The following SPAG16 variants were observed in gnomAD, a reference collection of about 807,000 sequenced individuals.
SPAG16 encodes sperm associated antigen 16, also known as sperm-associated antigen 16 protein.
In SPAG16, 86 loss-of-function variants were observed where a neutral mutation model predicts 80.4. That is an observed-to-expected ratio of 1.07 (90% CI 0.90 to 1.28). The LOEUF (loss-of-function observed/expected upper bound fraction) is 1.28, where lower values mean the gene tolerates loss of function less well. Ranked by LOEUF, SPAG16 falls within the 50% of genes most tolerant of loss-of-function variation. The pLI, the probability that SPAG16 is intolerant of heterozygous loss-of-function variation, is 0.00. For missense variants in SPAG16, 870 were observed against 765.3 expected (o/e 1.14, Z -1.61); for synonymous variants, 294 against 265.9 (o/e 1.11, Z -1.03).
chr2:213,825,821 A>G (rs1244178486), intron 10 of SPAG16, among the ~76,000 whole-genome samples: 2 of 148,128 alleles, frequency 1.4e-5, no homozygotes, highest in Non-Finnish European at 3.0e-5. Flanking sequence ...GGATAGTTTT[A>G]GAGGGATTGG....
chr2:213,789,482 A>G (rs2070552292), intron 10 of SPAG16, among the ~76,000 whole-genome samples: 1 of 152,012 alleles, frequency 6.6e-6, no homozygotes, highest in African/African-American at 2.4e-5. Flanking sequence ...TATGTGTGGC[A>G]TCTTTCCTGA....
intron 13 of SPAG16, among the ~76,000 whole-genome samples, chr2:214,040,488 G>A (rs2048948708): frequency 1.3e-5 from 2 of 151,936 alleles, no homozygotes; most frequent in Admixed American, 1.3e-4. Flanking sequence ...CCCTCTATGT[G>A]TCCATGTGTT....
At chr2:213,423,130 C>A (rs767516184) in intron 9 of SPAG16, among the ~76,000 whole-genome samples, 16 of 152,220 alleles carry the variant, frequency 1.1e-4, no homozygotes, top group Non-Finnish European at 1.5e-4. Context: ...TCATTCTTCT[C>A]TCTGGATTGT....
chr2:213,654,821 A>G (rs2063162247), intron 10 of SPAG16, among the ~76,000 whole-genome samples: 1 of 152,176 alleles, frequency 6.6e-6, no homozygotes, highest in East Asian at 1.9e-4. Flanking sequence ...ATTATATTAA[A>G]TGTCAATGGA....
intron 15 of SPAG16, chr2:214,241,112 G>A (rs1255384502): frequency 2.0e-5 from 3 of 152,108 alleles, no homozygotes; most frequent in Non-Finnish European, 4.4e-5. Flanking sequence ...TAGCACTTTG[G>A]GAGGCCGAGG....
intron 15 of SPAG16, among the ~76,000 whole-genome samples, chr2:214,306,448 T>G (rs1403354252): frequency 6.6e-6 from 1 of 152,212 alleles, no homozygotes; most frequent in African/African-American, 2.4e-5. Flanking sequence ...ATCCTTATAT[T>G]GTGCCAATTT....
chr2:214,342,554 C>T (rs931357577), intron 15 of SPAG16, among the ~76,000 whole-genome samples: 2 of 152,046 alleles, frequency 1.3e-5, no homozygotes, highest in Non-Finnish European at 2.9e-5. Context: ...ATAGAACCAT[C>T]TAGTTGCAGG....
chr2:213,522,898 T>G (rs1020009167), intron 10 of SPAG16, among the ~76,000 whole-genome samples: 21 of 150,770 alleles, frequency 1.4e-4, no homozygotes, highest in African/African-American at 4.9e-4. Flanking sequence ...ATATTTAAAT[T>G]ACATATATAA....
intron 14 of SPAG16, among the ~76,000 whole-genome samples, chr2:214,133,129 T>TAATA (rs1559830763): frequency 1.3e-4 from 19 of 141,386 alleles, no homozygotes; most frequent in African/African-American, 2.6e-4. Flanking sequence ...TAAATAATAA[T>TAATA]AAAAAAAAAA....
rs894202675 is a variant in SPAG16 at position 213,478,798 on chromosome 2, G to T, written c.943-11165G>T. ...GGAGGGGGAAGCTAAAATCAAGGAG[G>T]CTTCACTTAATTATTCTTATCCATT... On this transcript the variant is annotated intron_variant, in intron 9 of 15. Transcript: ENST00000331683. 3.4e-4 allele frequency among the ~76,000 whole-genome samples: 52 copies of T among 152,030 alleles called. 1 individual carries two copies. The highest frequency in any genetic ancestry group is 1.2e-3 in the African/African-American group (50 of 41,372).
At chr2:214,030,743 C>G (rs2048364311) in intron 13 of SPAG16, among the ~76,000 whole-genome samples, 1 of 152,176 alleles carries the variant, frequency 6.6e-6, no homozygotes, top group Non-Finnish European at 1.5e-5. Context: ...GATACCTCTC[C>G]CCCTAACCTC....
chr2:213,600,554 A>G (rs1297825900), intron 10 of SPAG16, among the ~76,000 whole-genome samples: 1 of 152,190 alleles, frequency 6.6e-6, no homozygotes, highest in Non-Finnish European at 1.5e-5. Context: ...AGTATAGATA[A>G]GGTGTTCTTC....
chr2:213,464,790 C>T (rs2072587433), intron 9 of SPAG16, among the ~76,000 whole-genome samples: 1 of 152,172 alleles, frequency 6.6e-6, no homozygotes, highest in Non-Finnish European at 1.5e-5. Context: ...TAGGTTTTAT[C>T]CTTTCCTACG....
chr2:214,310,740 G>C lies in SPAG16; in HGVS notation c.1721-99400G>C, dbSNP rs139991913. Among the ~76,000 whole-genome samples, 3 of 152,266 alleles carry C rather than the reference G, an allele frequency of 2.0e-5. No homozygotes were observed. The East Asian group carries it at 5.8e-4, about 29-fold the overall frequency. The stretch of plus-strand genomic sequence containing the variant: ...GGGTTCATGGCCTTCAGTTCAGATA[G>C]TCACTGTCCTTTATCTCCAGGCCAC... On this transcript the variant is annotated intron_variant, in intron 15 of 15. Transcript: ENST00000331683.
At chr2:213,292,285 C>G (rs554947841) in intron 1 of SPAG16, among the ~76,000 whole-genome samples, 196 of 152,308 alleles carry the variant, frequency 1.3e-3, no homozygotes, top group Non-Finnish European at 2.6e-3. Context: ...TTTCTAGGAG[C>G]TGTCTCTCAG....
intron 15 of SPAG16, among the ~76,000 whole-genome samples, chr2:214,247,170 G>T (rs1403531909): frequency 2.0e-5 from 3 of 152,098 alleles, no homozygotes; most frequent in East Asian, 3.9e-4. Context: ...CTTCATTAGT[G>T]AAATCTATAA....
intron 11 of SPAG16, among the ~76,000 whole-genome samples, chr2:213,927,948 T>A (rs187217288): frequency 1.3e-5 from 2 of 152,354 alleles, no homozygotes; most frequent in East Asian, 3.9e-4. Flanking sequence ...TCTTTAATAT[T>A]AAAAACTAAA....
At position 213,322,111 on chromosome 2, in the gene SPAG16, A is replaced by G. The variant is rs965368183; in HGVS notation, c.536+4755A>G. On this transcript the variant is annotated intron_variant, in intron 5 of 15. Transcript: ENST00000331683. ...ATAAATAAATAAAAAAAAGTAAAAA[A>G]AAAAGATTATAAAACACCACTTAGA... Among the ~76,000 whole-genome samples the G allele has an allele frequency of 4.0e-5, 6 of 151,234 alleles. No homozygotes were observed. The East Asian group carries it at 7.7e-4, about 19-fold the overall frequency.
rs560575723 is a variant in SPAG16 at position 214,299,701 on chromosome 2, G to C, written c.1721-110439G>C. Among the ~76,000 whole-genome samples, 3 of 152,096 alleles carry C rather than the reference G, an allele frequency of 2.0e-5. No individual in the cohort carries two copies. The South Asian group carries it at 6.2e-4, about 31-fold the overall frequency. On this transcript the variant is annotated intron_variant, in intron 15 of 15. Coordinates refer to ENST00000331683, the MANE Select transcript of SPAG16 (RefSeq NM_024532.5). The stretch of plus-strand genomic sequence containing the variant: ...GCAAAAATGGTGATTGGCCATATAG[G>C]CTCTTTTAAGTTGGCTTTGCTGAAA...
Sources: gnomAD v4.1 joint callset for allele counts (sites outside exome capture counted in the v4.1 genomes callset) on GRCh38, gnomAD v4.1.1 for gene constraint, MANE v1.5 for transcripts, NCBI Gene and HGNC (gene_info 2026-07-23, HGNC 2026-07-21) for gene names.